The following PRR14L variants were observed in gnomAD, a reference collection of about 807,000 sequenced individuals.
PRR14L encodes the protein proline rich 14 like, also known as protein PRR14L.
PRR14L carries 80 observed loss-of-function variants against 155.0 expected under a neutral mutation model. That is an observed-to-expected ratio of 0.52 (90% CI 0.43 to 0.62). The LOEUF is 0.62. PRR14L is among the 20% of genes least tolerant of loss of function. PRR14L has a pLI of 0.00. For missense variants in PRR14L, 2,469 were observed against 2,548.0 expected, an observed-to-expected ratio of 0.97 and a Z score of 0.67; for synonymous variants, 883 against 916.0, an observed-to-expected ratio of 0.96 and a Z score of 0.65.
chr22:31,705,461 C>T (rs994931178), intron 4 of PRR14L, among the ~76,000 whole-genome samples: 3 of 151,554 alleles, frequency 2.0e-5, no homozygotes, highest in African/African-American at 7.3e-5. Flanking sequence ...GCAACCTCCA[C>T]TTCCCGGGTT....
At chr22:31,687,304 T>A (rs2074486950) in intron 8 of PRR14L, among the ~76,000 whole-genome samples, 1 of 149,804 alleles carries the variant, frequency 6.7e-6, no homozygotes, top group African/African-American at 2.5e-5. Context: ...CCAAAGTGCT[T>A]GAATTACAGG....
chr22:31,688,594 C>T (rs1450871824), intron 7 of PRR14L, among the ~76,000 whole-genome samples: 1 of 151,980 alleles, frequency 6.6e-6, no homozygotes, highest in Non-Finnish European at 1.5e-5. Context: ...TCCAGGGTAC[C>T]AACCTTCAAC....
At chr22:31,699,626 G>C (rs560521829) in intron 7 of PRR14L, among the ~76,000 whole-genome samples, 15 of 152,306 alleles carry the variant, frequency 9.8e-5, no homozygotes, top group Non-Finnish European at 1.5e-4. Flanking sequence ...TATTAAAATG[G>C]ATAAATGATG....
chr22:31,703,797 ATT>A (rs879065402), intron 5 of PRR14L, 76 bp from the exon 6 acceptor site: 8,086 of 646,780 alleles, frequency 0.013, no homozygotes, highest in South Asian at 0.017. Context: ...CTTCTTCTTC[ATT>A]TTTTTTTTTT....
rs1363228535 is a variant in PRR14L, at chr22:31,683,498, G to C, written c.*2029C>G. ...AAGAACCCTGTCCCAGGAAGGGAGA[G>C]GTATTGAGGTGAAACATAGGTCGTG... On this transcript the variant is annotated 3_prime_UTR_variant, in exon 9 of 9. Transcript: ENST00000327423. The C allele has an allele frequency of 6.6e-6, 1 of 152,252 alleles. No homozygotes were observed. The highest frequency in any genetic ancestry group is 1.5e-5 in the Non-Finnish European group (1 of 68,084). The allele number at this position is 152,252 out of a possible 1,614,324, so 9.4% of individuals were successfully genotyped here. A position where few individuals can be genotyped will look rare whatever the true frequency, so the allele number is the denominator to read the frequency against.
At chr22:31,701,940 T>C (rs908713217) in intron 6 of PRR14L, among the ~76,000 whole-genome samples, 178 bp from the exon 7 acceptor site, 2 of 152,138 alleles carry the variant, frequency 1.3e-5, no homozygotes, top group African/African-American at 4.8e-5. Flanking sequence ...CCCAAAGCGC[T>C]GGGGTTACAA....
chr22:31,685,450 C>CAAAAAAAAAAAAAAAAACCCAAAAAAA lies in PRR14L; in HGVS notation c.*76_*77insTTTTTTTGGGTTTTTTTTTTTTTTTTT. 1.8e-6 allele frequency: 2 copies of CAAAAAAAAAAAAAAAAACCCAAAAAAA among 1,105,838 alleles called. No individual in the cohort carries two copies. The highest frequency in any genetic ancestry group is 2.5e-6 in the Non-Finnish European group (2 of 816,324). The allele number at this position is 1,105,838 out of a possible 1,614,324, so 68.5% of individuals were successfully genotyped here. On this transcript the variant is annotated 3_prime_UTR_variant, in exon 9 of 9. Coordinates refer to ENST00000327423, the MANE Select transcript of PRR14L (RefSeq NM_173566.3). ...TTAGGCAACCTTTTCCAAGGAGGTC[C>CAAAAAAAAAAAAAAAAACCCAAAAAAA]AAAAAAAAAAAAAAAACCCAAAAAC... is the stretch of plus-strand genomic sequence containing the variant.
At chr22:31,703,847 G>C (rs2074575813) in intron 5 of PRR14L, 126 bp from the exon 6 acceptor site, 1 of 572,560 alleles carries the variant, frequency 1.7e-6, no homozygotes. Flanking sequence ...GCCCAGACTG[G>C]AGTGCAATGG....
chr22:31,730,550 G>C (rs1035070157), intron 2 of PRR14L, among the ~76,000 whole-genome samples: 1 of 152,202 alleles, frequency 6.6e-6, no homozygotes. Flanking sequence ...ACGGTGTTAG[G>C]GTGCCTCATT....
chr22:31,716,378 C>A lies in PRR14L; in HGVS notation c.1461G>T (p.Leu487Phe). ...LKITVHVQGNLTNPEDHKETF... is the reference protein window; with the variant it reads ...LKITVHVQGNFTNPEDHKETF... ...TTTCTTTATGGTCCTCAGGGTTTGT[C>A]AAGTTACCTTGAACGTGTACAGTAA... The change falls in exon 4 of 9, where the codon TTG becomes TTT. Residue 487 changes from leucine (L) to phenylalanine (F), a missense_variant. Physicochemically the swap from Leu to Phe is conservative, Grantham distance 22. Around this residue, in one of 2 missense-constraint regions of PRR14L, gnomAD observed 2,363 missense variants for 2,371.6 expected, o/e 1.00. Coordinates refer to ENST00000327423, the MANE Select transcript of PRR14L (RefSeq NM_173566.3). 1 of 1,550,338 alleles carries A rather than the reference C, an allele frequency of 6.5e-7. No individual in the cohort carries two copies. Among genetic ancestry groups the A allele is most frequent in the Non-Finnish European group, 8.7e-7 (1 of 1,146,514 alleles).
At chr22:31,701,817 A>G in intron 6 of PRR14L, 55 bp from the exon 7 acceptor site, 3 of 1,419,444 alleles carry the variant, frequency 2.1e-6, no homozygotes, top group South Asian at 1.2e-5. Context: ...TTTTATTTAT[A>G]TATTTTTTGA....
In PRR14L at chr22:31,685,462, A is replaced by C. The variant is rs1231421200; in HGVS notation, c.*65T>G. On this transcript the variant is annotated 3_prime_UTR_variant, in exon 9 of 9. Coordinates refer to ENST00000327423, the MANE Select transcript of PRR14L (RefSeq NM_173566.3). ...TTCCAAGGAGGTCCAAAAAAAAAAA[A>C]AAAACCCAAAAACAAAACAAAACAA... The C allele has an allele frequency of 2.9e-5, 41 of 1,414,026 alleles. No individual in the cohort carries two copies. Among genetic ancestry groups the C allele is most frequent in the Non-Finnish European group, 3.7e-5 (39 of 1,063,150 alleles). The allele number at this position is 1,414,026 out of a possible 1,614,324, so 87.6% of individuals were successfully genotyped here.
At position 31,686,185 on chromosome 22, in the gene PRR14L, G is replaced by A. The variant is rs761262869; in HGVS notation, c.6180-382C>T. 2.0e-5 allele frequency among the ~76,000 whole-genome samples: 3 copies of A among 150,902 alleles called. No homozygotes were observed. The East Asian group carries it at 5.8e-4, about 29-fold the overall frequency. ...GTGATCTCCGCTCACTGCAAGCTCC[G>A]CCTCCCAGGTTGACGCCATTCTCCT... On this transcript the variant is annotated intron_variant, in intron 8 of 8. Coordinates refer to ENST00000327423, the MANE Select transcript of PRR14L (RefSeq NM_173566.3).
chr22:31,712,709 C>T lies in PRR14L; in HGVS notation c.5130G>A (p.Leu1710=). The T allele has an allele frequency of 1.4e-5, 22 of 1,551,694 alleles. No individual in the cohort carries two copies. The highest frequency in any genetic ancestry group is 1.9e-5 in the Non-Finnish European group (22 of 1,147,004). ...FIDLSNKMPS[L]LFGSEIFPVS... Reference sequence around the variant, plus strand: ...CTGGGAAGATTTCAGAACCAAACAGCAGGGACGGCATCTTGTTGCTCAAAT... The same window carrying T: ...CTGGGAAGATTTCAGAACCAAACAGTAGGGACGGCATCTTGTTGCTCAAAT... Residue 1710 remains leucine, a synonymous_variant, in exon 4 of 9, where the codon CTG becomes CTA. Transcript: ENST00000327423.
rs535236546 is a variant in PRR14L at position 31,732,524 on chromosome 22, T to C, written c.474+5863A>G. Among the ~76,000 whole-genome samples, 13 of 152,356 alleles carry C rather than the reference T, an allele frequency of 8.5e-5. No homozygotes were observed. The South Asian group carries it at 1.7e-3, about 19-fold the overall frequency. On this transcript the variant is annotated intron_variant, in intron 2 of 8. Coordinates refer to ENST00000327423, the MANE Select transcript of PRR14L (RefSeq NM_173566.3). ...GCACTGACCCACTAACAAACTTCCA[T>C]GGTAGACAATATTTCATACGTGTTG...
intron 2 of PRR14L, among the ~76,000 whole-genome samples, chr22:31,730,690 G>C (rs2074744564): frequency 1.3e-5 from 2 of 152,100 alleles, no homozygotes; most frequent in African/African-American, 4.8e-5. Flanking sequence ...GTAAATATTT[G>C]TTTCCCAAAC....
Position 31,717,263 on chromosome 22 carries a change from A to G in PRR14L, c.576T>C (p.Thr192=), listed in dbSNP as rs1206502922. ...CTTGTACTTCGGCGGATTTTAGCAG[A>G]GTTTCAGCTGTAATCTGTACATTTC... ...KEGNVQITAE[T]LLKSAEVQGM... The change falls in exon 4 of 9, where the codon ACT becomes ACC. Residue 192 remains threonine (T), a synonymous_variant. Coordinates refer to ENST00000327423, the MANE Select transcript of PRR14L (RefSeq NM_173566.3). 3.2e-6 allele frequency: 5 copies of G among 1,550,704 alleles called. No individual in the cohort carries two copies. Among genetic ancestry groups the G allele is most frequent in the Non-Finnish European group, 4.4e-6 (5 of 1,146,566 alleles).
chr22:31,713,391 C>T lies in PRR14L; in HGVS notation c.4448G>A (p.Cys1483Tyr). ...HHPLRKDTES[C>Y]TSPCLLGAPR... ...GGCACCAAGAAGGCAAGGACTTGTG[C>T]ATGACTCAGTGTCCTTCCTTAATGG... Residue 1483 changes from cysteine (C) to tyrosine (Y), a missense_variant, in exon 4 of 9, where the codon TGC (cysteine) becomes TAC (tyrosine). Physicochemically the swap from Cys to Tyr is radical, Grantham distance 194. This residue lies in a region of PRR14L where 2,363 missense variants were observed against 2,371.6 expected (regional missense o/e 1.00). Coordinates refer to ENST00000327423, the MANE Select transcript of PRR14L (RefSeq NM_173566.3). The T allele has an allele frequency of 1.9e-6, 3 of 1,552,004 alleles. No individual in the cohort carries two copies. The highest frequency in any genetic ancestry group is 1.7e-6 in the Non-Finnish European group (2 of 1,147,060).
chr22:31,692,512 T>C (rs973039963), intron 7 of PRR14L, among the ~76,000 whole-genome samples: 1 of 152,234 alleles, frequency 6.6e-6, no homozygotes, highest in Non-Finnish European at 1.5e-5. Flanking sequence ...TTAAAAAATA[T>C]GGGTTATTGT....
Sources: allele counts gnomAD v4.1 joint callset (sites outside exome capture counted in the v4.1 genomes callset), GRCh38; gene constraint gnomAD v4.1.1; regional missense constraint gnomAD v4.1.1; transcripts MANE v1.5; gene names NCBI Gene and HGNC (gene_info 2026-07-23, HGNC 2026-07-21).